The following SYT7 variants were observed in gnomAD, a reference collection of about 807,000 sequenced individuals.
The protein encoded by SYT7 is synaptotagmin-7.
In SYT7, 29 loss-of-function variants were observed where a neutral mutation model predicts 75.1. The ratio of observed to expected loss-of-function variants is 0.39; its 90% CI spans 0.29 to 0.53. The LOEUF is 0.53. SYT7 is among the 20% of genes least tolerant of loss of function. The pLI is 0.77. For missense variants in SYT7, 693 were observed against 953.2 expected (o/e 0.73, Z 3.59); for synonymous variants, 376 against 401.7 (o/e 0.94, Z 0.76).
At chr11:61,533,192 G>T in intron 7 of SYT7, 68 bp from the exon 8 acceptor site, 1 of 1,497,258 alleles carries the variant, frequency 6.7e-7, no homozygotes, top group East Asian at 2.4e-5. Flanking sequence ...CCGGCCTGGG[G>T]GGTGGCAGGA....
chr11:61,515,508 A>AT lies in SYT7; in HGVS notation c.*3118dup, dbSNP rs34577470. The AT allele has an allele frequency of 0.17, 24,032 of 143,940 alleles. 2,493 individuals carry two copies. The highest frequency in any genetic ancestry group is 0.42 in the East Asian group (2,065 of 4,948). 8.9% of individuals were successfully genotyped at this position (143,940 alleles called of 1,614,324 possible). A position where few individuals can be genotyped will look rare whatever the true frequency, so the allele number is the denominator to read the frequency against. ...TTTCTTCATTTCTCTTCGCTGCAAA[A>AT]TTTTTTTTTTTGTGATGGTGGGTTT... On this transcript the variant is annotated 3_prime_UTR_variant, in exon 13 of 13. Coordinates refer to ENST00000539008, the MANE Select transcript of SYT7 (RefSeq NM_001365809.2).
At chr11:61,575,975 C>T (rs2064063070) in intron 1 of SYT7, among the ~76,000 whole-genome samples, 1 of 152,206 alleles carries the variant, frequency 6.6e-6, no homozygotes, top group South Asian at 2.1e-4. Context: ...GCTCACAATA[C>T]CTCAGCTCCC....
intron 5 of SYT7, among the ~76,000 whole-genome samples, chr11:61,543,508 G>A (rs1456562438): frequency 6.6e-6 from 1 of 152,226 alleles, no homozygotes; most frequent in African/African-American, 2.4e-5. Flanking sequence ...TAGCCTCAGA[G>A]AGACCTGGGT....
At chr11:61,530,153 T>C (rs1252538494) in intron 8 of SYT7, among the ~76,000 whole-genome samples, 1 of 152,226 alleles carries the variant, frequency 6.6e-6, no homozygotes, top group Admixed American at 6.5e-5. Flanking sequence ...TCACCTGCGA[T>C]TGAATGGCCA....
intron 2 of SYT7, among the ~76,000 whole-genome samples, chr11:61,555,313 C>T (rs899672385): frequency 6.6e-6 from 1 of 152,240 alleles, no homozygotes; most frequent in African/African-American, 2.4e-5. Flanking sequence ...GCCCCCCTCG[C>T]CCCCTGCTGC....
chr11:61,581,053 C>T lies in SYT7; in HGVS notation c.-233G>A. ...CGCCGAACAGCGCCGAGCCGCCTCC[C>T]TCCGGCCTGCGCGCCGCGTGTGCGC... is the stretch of plus-strand genomic sequence containing the variant. On this transcript the variant is annotated 5_prime_UTR_variant, in exon 1 of 13. Transcript: ENST00000539008. 2 of 619,296 alleles carry T rather than the reference C, an allele frequency of 3.2e-6. No individual in the cohort carries two copies. The highest frequency in any genetic ancestry group is 4.0e-6 in the Non-Finnish European group (2 of 497,592). 38.4% of individuals were successfully genotyped at this position (619,296 alleles called of 1,614,324 possible). A position where few individuals can be genotyped will look rare whatever the true frequency, so the allele number is the denominator to read the frequency against.
At chr11:61,545,291 T>C (rs1393763661) in intron 5 of SYT7, among the ~76,000 whole-genome samples, 1 of 152,200 alleles carries the variant, frequency 6.6e-6, no homozygotes, top group Admixed American at 6.5e-5. Flanking sequence ...TTCTGCCTGA[T>C]GTCTAGAACA....
chr11:61,587,303 G>T, the SYT7 span, among the ~76,000 whole-genome samples: 1 of 152,220 alleles, frequency 6.6e-6, no homozygotes, highest in Non-Finnish European at 1.5e-5. Context: ...CCCAGGCCGA[G>T]TCTGGTAGTG....
intron 5 of SYT7, 101 bp downstream of exon 5, chr11:61,545,930 C>T: frequency 1.8e-6 from 2 of 1,116,134 alleles, no homozygotes; most frequent in East Asian, 2.7e-5. Flanking sequence ...GAGGACGGCA[C>T]CTCTGGGGGC....
chr11:61,550,899 C>T (rs2063328797), intron 3 of SYT7, among the ~76,000 whole-genome samples: 1 of 152,198 alleles, frequency 6.6e-6, no homozygotes, highest in African/African-American at 2.4e-5. Flanking sequence ...CGCTCTGCTC[C>T]CCGAGTGGCC....
Position 61,580,681 on chromosome 11 carries a change from G to T in SYT7, c.31+109C>A. ...GGATGACCCCTGGGGGAGCCCGTGC[G>T]GCTCCGGGCGGACAACAGCCCCAGG... On this transcript the variant is annotated intron_variant, in intron 1 of 12. Coordinates refer to ENST00000539008, the MANE Select transcript of SYT7 (RefSeq NM_001365809.2). This position sits in a 1 kb window ranked among gnomAD's most constrained non-coding sequence, Gnocchi z 6.1. 1.4e-6 allele frequency: 1 copy of T among 738,814 alleles called. No homozygotes were observed. The highest frequency in any genetic ancestry group is 1.8e-6 in the Non-Finnish European group (1 of 550,274). 45.8% of individuals were successfully genotyped at this position (738,814 alleles called of 1,614,324 possible). A position where few individuals can be genotyped will look rare whatever the true frequency, so the allele number is the denominator to read the frequency against.
At chr11:61,583,899 A>G (rs1283430568), upstream of SYT7, among the ~76,000 whole-genome samples, 1 of 152,112 alleles carries the variant, frequency 6.6e-6, no homozygotes, top group Non-Finnish European at 1.5e-5. Context: ...GGCCTCAGTC[A>G]CTTTGTTTAG....
intron 8 of SYT7, among the ~76,000 whole-genome samples, chr11:61,529,129 G>A (rs1222521704): frequency 6.6e-6 from 1 of 152,146 alleles, no homozygotes; most frequent in East Asian, 1.9e-4. Context: ...GACCCAGTTA[G>A]GGGGCTGTAT....
intron 6 of SYT7, among the ~76,000 whole-genome samples, chr11:61,538,662 TG>T (rs2062954484): frequency 1.3e-5 from 2 of 150,362 alleles, no homozygotes; most frequent in Non-Finnish European, 3.0e-5. Context: ...GGGGATAGGG[TG>T]GGGGGAATGG....
intron 2 of SYT7, among the ~76,000 whole-genome samples, chr11:61,552,943 G>A (rs770471823): frequency 6.6e-6 from 1 of 152,130 alleles, no homozygotes; most frequent in African/African-American, 2.4e-5. Context: ...CTCCCGGCAC[G>A]TGCTCCCACA....
Position 61,546,181 on chromosome 11 carries a change from T to G in SYT7, c.422A>C (p.Glu141Ala). Residue 141 changes from glutamate (E) to alanine (A), a missense_variant, in exon 5 of 13, where the codon GAG becomes GCG. Transcript: ENST00000539008. This position sits in a 1 kb window ranked among gnomAD's most constrained non-coding sequence, Gnocchi z 7.6. ...GGGTGGCGGCACCGGTGCCGGCTTC[T>G]CCCCCAGCCGGCCTTCCCGCTCCAC... ...LAVEREGRLG[E>A]KPAPVPPPGE... The G allele has an allele frequency of 6.6e-7, 1 of 1,519,078 alleles. No individual in the cohort carries two copies. The highest frequency in any genetic ancestry group is 8.8e-7 in the Non-Finnish European group (1 of 1,140,380). 94.1% of individuals were successfully genotyped at this position (1,519,078 alleles called of 1,614,324 possible).
At chr11:61,557,066 A>G (rs2063518429) in intron 1 of SYT7, among the ~76,000 whole-genome samples, 1 of 152,170 alleles carries the variant, frequency 6.6e-6, no homozygotes, top group African/African-American at 2.4e-5. Context: ...TCTGCCAGTC[A>G]CAGAAGCACT....
At chr11:61,579,793 G>A (rs936664671) in intron 1 of SYT7, among the ~76,000 whole-genome samples, 13 of 152,194 alleles carry the variant, frequency 8.5e-5, no homozygotes, top group African/African-American at 3.1e-4. Context: ...CTGGGGAGTC[G>A]TGCTTTTAGC....
intron 1 of SYT7, among the ~76,000 whole-genome samples, chr11:61,569,013 G>C (rs2063849400): frequency 6.6e-6 from 1 of 152,190 alleles, no homozygotes; most frequent in African/African-American, 2.4e-5. Context: ...CTTCCCCAAG[G>C]CTGGGGTGCT....
Sources: allele counts gnomAD v4.1 joint callset (sites outside exome capture counted in the v4.1 genomes callset), GRCh38; gene constraint gnomAD v4.1.1; non-coding constraint Gnocchi (gnomAD v3.1); transcripts MANE v1.5; gene names NCBI Gene and HGNC (gene_info 2026-07-23, HGNC 2026-07-21).